Variants in SFXN1 observed in about 807,000 individuals in gnomAD.
SFXN1 encodes sideroflexin-1.
In SFXN1, 32 loss-of-function variants were observed where a neutral mutation model predicts 39.5. The observed-to-expected ratio is 0.81, with a 90% CI of 0.61 to 1.09. The LOEUF (loss-of-function observed/expected upper bound fraction) is 1.09, where lower values mean the gene tolerates loss of function less well. Ranked by LOEUF, SFXN1 falls within the 50% of genes least tolerant of loss-of-function variation. The pLI is 0.00. For synonymous variants in SFXN1, 136 were observed against 146.5 expected (o/e 0.93, Z 0.52); for missense variants, 402 against 407.1 (o/e 0.99, Z 0.11).
intron 2 of SFXN1, among the ~76,000 whole-genome samples, chr5:175,502,593 A>T (rs1760124444): frequency 6.6e-6 from 1 of 152,106 alleles, no homozygotes. Context: ...TAATCCCAGC[A>T]CTTGGGGAGG....
chr5:175,522,386 C>G lies in SFXN1; in HGVS notation c.836C>G (p.Ala279Gly). 1 of 1,598,784 alleles carries G rather than the reference C, an allele frequency of 6.3e-7. No homozygotes were observed. Among genetic ancestry groups the G allele is most frequent in the Non-Finnish European group, 8.5e-7 (1 of 1,176,444 alleles). The change falls in exon 10 of 11, where the codon GCT becomes GGT. Residue 279 changes from alanine to glycine, a missense_variant. Ala to Gly is a moderately conservative substitution (Grantham distance 60). Coordinates refer to ENST00000321442, the MANE Select transcript of SFXN1 (RefSeq NM_022754.7). ...VGLVGFCLVF[A>G]TPLCCALFPQ... Reference sequence around the variant, plus strand: ...GTATTTTTTTTAAGTTTGGTGTTTGCTACACCCCTGTGTTGTGCCCTGTTT... The same window carrying G: ...GTATTTTTTTTAAGTTTGGTGTTTGGTACACCCCTGTGTTGTGCCCTGTTT...
At chr5:175,524,125 A>AAATATAT (rs1760980229) in intron 10 of SFXN1, 1 of 32,516 alleles carries the variant, frequency 3.1e-5, no homozygotes, top group Non-Finnish European at 5.1e-5. Flanking sequence ...AAAAAAAAAA[A>AAATATAT]ATATATATAT....
At chr5:175,481,249 G>A (rs1215248799) in intron 1 of SFXN1, among the ~76,000 whole-genome samples, 1 of 152,080 alleles carries the variant, frequency 6.6e-6, no homozygotes, top group Non-Finnish European at 1.5e-5. Flanking sequence ...AGAAATCCAT[G>A]CCCATAGTTG....
intron 8 of SFXN1, among the ~76,000 whole-genome samples, chr5:175,516,940 G>A (rs1205522460): frequency 1.3e-5 from 2 of 152,206 alleles, no homozygotes; most frequent in Non-Finnish European, 2.9e-5. Context: ...ATGAAGAGAT[G>A]ATGTGAATTT....
intron 1 of SFXN1, among the ~76,000 whole-genome samples, chr5:175,484,551 G>A (rs1338296947): frequency 1.3e-5 from 2 of 152,238 alleles, no homozygotes; most frequent in African/African-American, 4.8e-5. Flanking sequence ...CCCTGCGGGT[G>A]GAAAAGGGTG....
At position 175,526,634 on chromosome 5, in the gene SFXN1, C is replaced by T. The variant is rs778478119; in HGVS notation, c.873-4C>T. 1.9e-6 allele frequency: 3 copies of T among 1,613,420 alleles called. 1 individual carries two copies. In the South Asian group the frequency reaches 3.3e-5, roughly 18 times the overall value. ...ATAACCCTGTCATTTCTCCCTTATC[C>T]CAGTTCCATGTCTGTGACAAGCTTG... is the stretch of plus-strand genomic sequence containing the variant. On this transcript the variant is annotated splice_region_variant and splice_polypyrimidine_tract_variant and intron_variant, in intron 10 of 10. Transcript: ENST00000321442.
chr5:175,520,044 A>G (rs1013718710), intron 8 of SFXN1, among the ~76,000 whole-genome samples: 2 of 151,010 alleles, frequency 1.3e-5, no homozygotes, highest in Non-Finnish European at 2.9e-5. Context: ...TAATTTTTGT[A>G]TTTTTAGTAG....
At chr5:175,509,858 A>C (rs919371337) in intron 3 of SFXN1, among the ~76,000 whole-genome samples, 1 of 152,178 alleles carries the variant, frequency 6.6e-6, no homozygotes, top group Non-Finnish European at 1.5e-5. Flanking sequence ...CAGGCTCTCT[A>C]CAAATTTTAT....
Position 175,484,545 on chromosome 5 carries a change from G to A in SFXN1, c.-10+5906G>A, listed in dbSNP as rs139007173. 7.5e-3 allele frequency among the ~76,000 whole-genome samples: 1,140 copies of A among 152,352 alleles called. 12 individuals carry two copies. Among genetic ancestry groups the A allele is most frequent in the African/African-American group, 0.026 (1,067 of 41,582 alleles). ...AGTGGCCCGGCCAGCCCTGACCCCTGCGGGTGGAAAAGGGTGCACCCTGGG... is the reference window on the plus strand; with the variant it reads ...AGTGGCCCGGCCAGCCCTGACCCCTACGGGTGGAAAAGGGTGCACCCTGGG... On this transcript the variant is annotated intron_variant, in intron 1 of 10. Coordinates refer to ENST00000321442, the MANE Select transcript of SFXN1 (RefSeq NM_022754.7).
At chr5:175,519,750 C>A (rs1443498302) in intron 8 of SFXN1, among the ~76,000 whole-genome samples, 1 of 151,446 alleles carries the variant, frequency 6.6e-6, no homozygotes, top group African/African-American at 2.4e-5. Flanking sequence ...GGCTTCACAG[C>A]CATATATGTA....
At chr5:175,520,015 ATG>A (rs1760831481) in intron 8 of SFXN1, among the ~76,000 whole-genome samples, 1 of 151,494 alleles carries the variant, frequency 6.6e-6, no homozygotes, top group Non-Finnish European at 1.5e-5. Context: ...AACTACAGGC[ATG>A]TACCACCATG....
Position 175,526,942 on chromosome 5 carries a change from G to C in SFXN1, c.*208G>C, listed in dbSNP as rs1278682963. On this transcript the variant is annotated 3_prime_UTR_variant, in exon 11 of 11. Transcript: ENST00000321442. ...ACTCCCTTACACTGAATCATGTTAT[G>C]ATTTATAGAAATACCTTTCCTGTAG... The C allele has an allele frequency of 1.8e-6, 1 of 558,844 alleles. No individual in the cohort carries two copies. The highest frequency in any genetic ancestry group is 1.9e-5 in the African/African-American group (1 of 53,284). 34.6% of individuals were successfully genotyped at this position (558,844 alleles called of 1,614,324 possible).
chr5:175,522,147 A>G (rs1010896813), intron 9 of SFXN1, among the ~76,000 whole-genome samples, 179 bp downstream of exon 9: 4 of 152,190 alleles, frequency 2.6e-5, no homozygotes, highest in East Asian at 1.9e-4. Context: ...AACCTACAAC[A>G]TGGGGGGCTA....
intron 5 of SFXN1, among the ~76,000 whole-genome samples, 189 bp from the exon 6 acceptor site, chr5:175,511,922 C>T (rs899464962): frequency 2.0e-5 from 3 of 152,170 alleles, no homozygotes; most frequent in Admixed American, 1.3e-4. Context: ...TAGAAGCTTG[C>T]ATGGTCCCAG....
At chr5:175,522,515 G>A in intron 10 of SFXN1, 93 bp downstream of exon 10, 1 of 1,314,568 alleles carries the variant, frequency 7.6e-7, no homozygotes, top group Non-Finnish European at 1.1e-6. Context: ...CATTGGCAGG[G>A]AAGTTGAGAC....
intron 1 of SFXN1, 34 bp downstream of exon 1, chr5:175,478,673 TG>T (rs3832366): frequency 0.66 from 100,910 of 152,446 alleles, 33,898 homozygotes; most frequent in African/African-American, 0.75. Flanking sequence ...GCCAGGTGGG[TG>T]GGGAAACGCG....
chr5:175,485,612 CAT>C (rs1479006857), intron 1 of SFXN1, among the ~76,000 whole-genome samples: 1 of 152,238 alleles, frequency 6.6e-6, no homozygotes, highest in Non-Finnish European at 1.5e-5. Context: ...TGTGAGGTAA[CAT>C]ATTCACAGTA....
chr5:175,526,505 T>G, intron 10 of SFXN1, 133 bp from the exon 11 acceptor site: 1 of 667,984 alleles, frequency 1.5e-6, no homozygotes, highest in Non-Finnish European at 2.7e-6. Context: ...TCTAGCCGCA[T>G]GAAGCATTTC....
chr5:175,501,697 A>C (rs1581288267), intron 2 of SFXN1, among the ~76,000 whole-genome samples: 1 of 152,204 alleles, frequency 6.6e-6, no homozygotes, highest in East Asian at 1.9e-4. Flanking sequence ...TTCACCATAG[A>C]AGATACAGGA....
Sources: gnomAD v4.1 joint callset for allele counts (sites outside exome capture counted in the v4.1 genomes callset) on GRCh38, gnomAD v4.1.1 for gene constraint, MANE v1.5 for transcripts, NCBI Gene and HGNC (gene_info 2026-07-23, HGNC 2026-07-21) for gene names.